TCF4: variants seen among roughly 807,000 people sequenced by gnomAD.
The protein encoded by TCF4 is transcription factor 4.
In TCF4, 3 loss-of-function variants were observed where a neutral mutation model predicts 82.1. The observed-to-expected ratio is 0.04, with a 90% CI of 0.02 to 0.09. The LOEUF is 0.09. Among genes scored for constraint, TCF4 ranks in the 10% least tolerant of loss-of-function variants. The pLI, the probability that TCF4 is intolerant of heterozygous loss-of-function variation, is 1.00. For synonymous variants in TCF4, 276 were observed against 309.6 expected (o/e 0.89, Z 1.14); for missense variants, 518 against 852.7 (o/e 0.61, Z 4.89).
intron 15 of TCF4, among the ~76,000 whole-genome samples, chr18:55,241,296 T>C (rs2051137889): frequency 6.6e-6 from 1 of 152,254 alleles, no homozygotes; most frequent in Admixed American, 6.5e-5. Flanking sequence ...ATCATTTTCC[T>C]ATACAGTGGA....
At chr18:55,621,691 T>A (rs985107553) in intron 2 of TCF4, among the ~76,000 whole-genome samples, 2 of 74,780 alleles carry the variant, frequency 2.7e-5, no homozygotes, top group African/African-American at 1.0e-4. Flanking sequence ...TATATTATAT[T>A]ATATAATATA....
chr18:55,234,517 G>C (rs2048802044), intron 16 of TCF4, 31 bp downstream of exon 16: 1 of 1,614,140 alleles, frequency 6.2e-7, no homozygotes, highest in African/African-American at 1.3e-5. Flanking sequence ...GTGAAAGTGA[G>C]GTCAGAAGTG....
chr18:55,538,011 CTAGTCT>C (rs2097132325), intron 3 of TCF4, among the ~76,000 whole-genome samples: 2 of 142,688 alleles, frequency 1.4e-5, no homozygotes, highest in African/African-American at 5.3e-5. Context: ...CTGGATTTTG[CTAGTCT>C]GCGCGCGCGC....
chr18:55,254,339 T>C (rs1396051290), intron 15 of TCF4, among the ~76,000 whole-genome samples, 158 bp downstream of exon 15: 6 of 152,142 alleles, frequency 3.9e-5, no homozygotes, highest in Non-Finnish European at 5.9e-5. Context: ...GTAAATACAC[T>C]AAAACACTTG....
chr18:55,246,701 C>T lies in TCF4; in HGVS notation c.1350+7796G>A, dbSNP rs145842331. On this transcript the variant is annotated intron_variant, in intron 15 of 19. Transcript: ENST00000354452. ...AAAAGAATTTCTTCAAGTTCTTTTA[C>T]CTTTCTGTCCTTTTTTTTTTCAGTT... Among the ~76,000 whole-genome samples the T allele has an allele frequency of 1.3e-3, 203 of 151,366 alleles. 1 individual carries two copies. The highest frequency in any genetic ancestry group is 4.6e-3 in the African/African-American group (190 of 41,414).
chr18:55,349,599 T>C (rs1035553906), intron 8 of TCF4, among the ~76,000 whole-genome samples: 1 of 152,114 alleles, frequency 6.6e-6, no homozygotes, highest in Admixed American at 6.6e-5. Context: ...GAGAGGAAAC[T>C]ATGTTTTCAT....
At chr18:55,474,486 T>C (rs995081224) in intron 3 of TCF4, among the ~76,000 whole-genome samples, 2 of 152,208 alleles carry the variant, frequency 1.3e-5, no homozygotes, top group Non-Finnish European at 1.5e-5. Flanking sequence ...AATTCCAATT[T>C]TGAGGGTGTT....
intron 5 of TCF4, among the ~76,000 whole-genome samples, chr18:55,427,940 G>A (rs892596956): frequency 5.3e-5 from 8 of 152,102 alleles, no homozygotes; most frequent in Non-Finnish European, 1.0e-4. Flanking sequence ...CTGTCTTCAG[G>A]AAACTGATAA....
intron 5 of TCF4, among the ~76,000 whole-genome samples, chr18:55,413,120 A>G (rs2094411761): frequency 6.6e-6 from 1 of 152,170 alleles, no homozygotes; most frequent in Admixed American, 6.5e-5. Context: ...AACTACATCA[A>G]AAGAATGGGG....
chr18:55,257,305 T>C lies in TCF4; in HGVS notation c.1146+10A>G. The C allele has an allele frequency of 6.2e-7, 1 of 1,610,870 alleles. No homozygotes were observed. Among genetic ancestry groups the C allele is most frequent in the Non-Finnish European group, 8.5e-7 (1 of 1,177,192 alleles). On this transcript the variant is annotated intron_variant, in intron 14 of 19. Transcript: ENST00000354452. ...AATGGGTGGGACAGAGATTAGCAAA[T>C]GAGACATACCAAAGAGTGTAAGGGT...
chr18:55,443,864 T>C (rs2095482088), intron 5 of TCF4, among the ~76,000 whole-genome samples: 1 of 152,204 alleles, frequency 6.6e-6, no homozygotes, highest in South Asian at 2.1e-4. Flanking sequence ...GTGTTGATGA[T>C]GTTCTGGGGA....
intron 5 of TCF4, among the ~76,000 whole-genome samples, chr18:55,426,869 C>T (rs982560303): frequency 1.3e-5 from 2 of 152,092 alleles, no homozygotes; most frequent in Non-Finnish European, 2.9e-5. Context: ...AAGACACACA[C>T]ACACACTCCT....
intron 3 of TCF4, chr18:55,510,500 T>G (rs2040017532): frequency 1.8e-6 from 2 of 1,120,080 alleles, no homozygotes; most frequent in Admixed American, 5.9e-5. Flanking sequence ...AATTCAAACT[T>G]CTAAGGATAC....
At position 55,456,939 on chromosome 18, in the gene TCF4, AT is replaced by A. The variant is rs372541401; in HGVS notation, c.304+4079del. Among the ~76,000 whole-genome samples, 588 of 152,370 alleles carry A rather than the reference AT, an allele frequency of 3.9e-3. 2 individuals carry two copies. The highest frequency in any genetic ancestry group is 0.014 in the African/African-American group (565 of 41,582). ...CCAGTGTACATTATAATCATTAATA[AT>A]GATAGGCAGTCACAAGGAAGAAATG... On this transcript the variant is annotated intron_variant, in intron 5 of 19. Coordinates refer to ENST00000354452, the MANE Select transcript of TCF4 (RefSeq NM_001083962.2).
At chr18:55,454,714 AC>A (rs1473117944) in intron 5 of TCF4, among the ~76,000 whole-genome samples, 1 of 152,212 alleles carries the variant, frequency 6.6e-6, no homozygotes. Context: ...GAACAATAAA[AC>A]ATCTCCAAAG....
At chr18:55,235,222 T>C (rs2049030890) in intron 15 of TCF4, among the ~76,000 whole-genome samples, 1 of 151,950 alleles carries the variant, frequency 6.6e-6, no homozygotes, top group African/African-American at 2.4e-5. Context: ...TTGGTACAAA[T>C]ATAATAAAAT....
intron 8 of TCF4, among the ~76,000 whole-genome samples, chr18:55,317,692 C>T (rs1279598505): frequency 1.3e-5 from 2 of 152,076 alleles, no homozygotes; most frequent in South Asian, 4.1e-4. Context: ...AGGTTGCTGA[C>T]TGATATTGTC....
chr18:55,463,971 TGTGTGTGA>T lies in TCF4; in HGVS notation c.207+97_207+104del, dbSNP rs143184224. 0.32 allele frequency: 212,457 copies of T among 671,180 alleles called. 12,630 individuals are homozygous for T. Among genetic ancestry groups the T allele is most frequent in the Middle Eastern group, 0.36 (1,143 of 3,140 alleles). The allele number at this position is 671,180 out of a possible 1,614,324, so 41.6% of individuals were successfully genotyped here. A position where few individuals can be genotyped will look rare whatever the true frequency, so the allele number is the denominator to read the frequency against. On this transcript the variant is annotated intron_variant, in intron 4 of 19. Transcript: ENST00000354452. ...CTCTGTGTGTGTGTGTGTGTGTGTG[TGTGTGTGA>T]GAGAGAGAGAGAGAGAGAGAGAGAA...
chr18:55,389,005 G>A (rs1183523791), intron 6 of TCF4, among the ~76,000 whole-genome samples: 3 of 151,722 alleles, frequency 2.0e-5, no homozygotes, highest in Non-Finnish European at 4.4e-5. Context: ...GGGCGCCTGT[G>A]GTCCCAGCTA....
Sources: gnomAD v4.1 joint callset for allele counts (sites outside exome capture counted in the v4.1 genomes callset) on GRCh38, gnomAD v4.1.1 for gene constraint, MANE v1.5 for transcripts, NCBI Gene and HGNC (gene_info 2026-07-23, HGNC 2026-07-21) for gene names.